SV2C: variants seen among roughly 807,000 people sequenced by gnomAD.
SV2C encodes the protein synaptic vesicle glycoprotein 2C.
SV2C carries 49 observed loss-of-function variants against 79.7 expected under a neutral mutation model. The ratio of observed to expected loss-of-function variants is 0.61; its 90% CI spans 0.49 to 0.78. SV2C has a LOEUF of 0.78. Ranked by LOEUF, SV2C falls within the 30% of genes least tolerant of loss-of-function variation. SV2C has a pLI of 0.00. For synonymous variants in SV2C, 334 were observed against 333.2 expected, an observed-to-expected ratio of 1.00 and a Z score of -0.03; for missense variants, 833 against 912.9, an observed-to-expected ratio of 0.91 and a Z score of 1.13.
intron 1 of SV2C, among the ~76,000 whole-genome samples, chr5:76,124,011 C>A (rs1255043848): frequency 1.3e-5 from 2 of 152,208 alleles, no homozygotes. Flanking sequence ...GAGTGGGCAT[C>A]TCTGGGTGGC....
At chr5:76,335,962 T>C (rs950698451), downstream of SV2C, among the ~76,000 whole-genome samples, 131 of 152,228 alleles carry the variant, frequency 8.6e-4, no homozygotes, top group South Asian at 2.7e-3. Flanking sequence ...GGGTGGTGGC[T>C]GGGCAGAGGG....
chr5:76,019,146 G>A, the SV2C span, among the ~76,000 whole-genome samples: 1 of 152,148 alleles, frequency 6.6e-6, no homozygotes, highest in African/African-American at 2.4e-5. Context: ...CCAGTTCACT[G>A]TTTCAGCTGT....
chr5:76,125,459 T>C (rs1748674058), intron 1 of SV2C, among the ~76,000 whole-genome samples: 1 of 152,172 alleles, frequency 6.6e-6, no homozygotes, highest in Non-Finnish European at 1.5e-5. Flanking sequence ...TTCCATAAAA[T>C]GTATAATGAG....
chr5:76,260,927 C>T (rs1746442517), intron 4 of SV2C, among the ~76,000 whole-genome samples: 1 of 149,620 alleles, frequency 6.7e-6, no homozygotes, highest in South Asian at 2.2e-4. Context: ...GTTGTATGGG[C>T]TCTTTTTGGT....
At chr5:76,119,711 A>T (rs1382730615) in intron 1 of SV2C, among the ~76,000 whole-genome samples, 1 of 152,068 alleles carries the variant, frequency 6.6e-6, no homozygotes, top group Non-Finnish European at 1.5e-5. Flanking sequence ...TAGGGAAAAA[A>T]AAACAAAAAA....
the SV2C span, among the ~76,000 whole-genome samples, chr5:75,977,907 CTG>C: frequency 6.6e-6 from 1 of 152,206 alleles, no homozygotes; most frequent in Non-Finnish European, 1.5e-5. Context: ...CATGCAAACA[CTG>C]TATGGTAGCT....
the SV2C span, among the ~76,000 whole-genome samples, chr5:76,040,085 T>G: frequency 2.4e-4 from 36 of 152,326 alleles, 1 homozygote; most frequent in Non-Finnish European, 4.4e-4. Flanking sequence ...ATATATCTCC[T>G]TGCTTCTAAG....
the SV2C span, among the ~76,000 whole-genome samples, chr5:76,009,791 C>T: frequency 1.3e-5 from 2 of 152,060 alleles, no homozygotes; most frequent in African/African-American, 4.8e-5. Flanking sequence ...GGTTGAAAAA[C>T]TATTGGATAC....
chr5:75,875,062 G>GCAA, the SV2C span, among the ~76,000 whole-genome samples: 11 of 151,820 alleles, frequency 7.2e-5, no homozygotes, highest in South Asian at 4.2e-4. Context: ...AACAACAACA[G>GCAA]CAACAACAAC....
the SV2C span, among the ~76,000 whole-genome samples, chr5:75,967,850 T>A: frequency 6.6e-6 from 1 of 152,160 alleles, no homozygotes; most frequent in Admixed American, 6.5e-5. Flanking sequence ...CAGCTTGAGA[T>A]CTGAGAATGG....
At chr5:76,271,350 A>G (rs923473786) in intron 4 of SV2C, among the ~76,000 whole-genome samples, 1 of 152,172 alleles carries the variant, frequency 6.6e-6, no homozygotes, top group Non-Finnish European at 1.5e-5. Context: ...CAGTAACGTG[A>G]TGGGCTATGT....
At chr5:76,097,826 A>G (rs1747614508) in intron 1 of SV2C, among the ~76,000 whole-genome samples, 2 of 152,162 alleles carry the variant, frequency 1.3e-5, no homozygotes, top group Non-Finnish European at 2.9e-5. Context: ...TGAAGGGAAC[A>G]TGTTCTTTCT....
rs553676165 is a variant in SV2C at position 76,122,307 on chromosome 5, C to G, written c.-101-9343C>G. On this transcript the variant is annotated intron_variant, in intron 1 of 12. Transcript: ENST00000502798. ...GGGTTTTCTAGATATACAATCATGT[C>G]GTCTGCAAACAGGGACAATTTGACT... Among the ~76,000 whole-genome samples, 17 of 151,434 alleles carry G rather than the reference C, an allele frequency of 1.1e-4. No homozygotes were observed. The South Asian group carries it at 2.5e-3, about 22-fold the overall frequency.
the SV2C span, among the ~76,000 whole-genome samples, chr5:76,033,489 A>G: frequency 0.2 from 30,343 of 152,132 alleles, 3,433 homozygotes; most frequent in East Asian, 0.49. Context: ...TCCCAGCACC[A>G]TTTATTAAAG....
the SV2C span, among the ~76,000 whole-genome samples, chr5:75,935,976 T>C: frequency 6.6e-6 from 1 of 152,250 alleles, no homozygotes; most frequent in East Asian, 1.9e-4. Context: ...TATAGATGTC[T>C]ACTTTAAGCT....
chr5:75,969,307 T>G, the SV2C span, among the ~76,000 whole-genome samples: 1 of 152,048 alleles, frequency 6.6e-6, no homozygotes, highest in Non-Finnish European at 1.5e-5. Context: ...AATGACAGGA[T>G]CAAATTCACA....
the SV2C span, among the ~76,000 whole-genome samples, chr5:75,934,302 C>CTTTTTTTTTTTTTTTTTTTTTTTTTT: frequency 6.5e-5 from 7 of 107,834 alleles, 1 homozygote; most frequent in African/African-American, 2.1e-4. Flanking sequence ...TTCTTTCTTT[C>CTTTTTTTTTTTTTTTTTTTTTTTTTT]TTTTTTTTTT....
chr5:76,085,983 C>G (rs1276143310), intron 1 of SV2C, among the ~76,000 whole-genome samples: 1 of 151,900 alleles, frequency 6.6e-6, no homozygotes, highest in Non-Finnish European at 1.5e-5. Context: ...TAATCCAATG[C>G]CATTAGCTAC....
the SV2C span, among the ~76,000 whole-genome samples, chr5:76,047,189 C>A: frequency 1.3e-3 from 194 of 152,202 alleles, no homozygotes; most frequent in South Asian, 3.3e-3. Flanking sequence ...ACTTAGATAA[C>A]CAGCACCTAA....
Sources: allele counts gnomAD v4.1 joint callset (sites outside exome capture counted in the v4.1 genomes callset), GRCh38; gene constraint gnomAD v4.1.1; transcripts MANE v1.5; gene names NCBI Gene and HGNC (gene_info 2026-07-23, HGNC 2026-07-21).